KIAA1217: variants seen among roughly 807,000 people sequenced by gnomAD.
KIAA1217 encodes the protein KIAA1217, also known as sickle tail protein homolog.
Under a neutral mutation model 163.9 loss-of-function variants are expected in KIAA1217, and 88 were observed. The ratio of observed to expected loss-of-function variants is 0.54; its 90% CI spans 0.45 to 0.64. The LOEUF (loss-of-function observed/expected upper bound fraction) is 0.64, where lower values mean the gene tolerates loss of function less well. Among genes scored for constraint, KIAA1217 ranks in the 30% least tolerant of loss-of-function variants. KIAA1217 has a pLI of 0.00. For missense variants in KIAA1217, 2,372 were observed against 2,475.0 expected (o/e 0.96, Z 0.88); for synonymous variants, 903 against 923.1 (o/e 0.98, Z 0.39).
chr10:24,381,312 A>G (rs2053266213), intron 3 of KIAA1217, among the ~76,000 whole-genome samples: 1 of 152,172 alleles, frequency 6.6e-6, no homozygotes, highest in Non-Finnish European at 1.5e-5. Context: ...AATTCAAGCC[A>G]AGAGGCTAGT....
At chr10:24,228,283 C>A (rs1038469581) in intron 2 of KIAA1217, among the ~76,000 whole-genome samples, 8 of 151,818 alleles carry the variant, frequency 5.3e-5, no homozygotes, top group African/African-American at 1.9e-4. Context: ...AACAAAAAAT[C>A]AAATATAGGT....
chr10:24,031,859 A>G (rs572445289), intron 2 of KIAA1217, among the ~76,000 whole-genome samples: 1 of 152,332 alleles, frequency 6.6e-6, no homozygotes, highest in African/African-American at 2.4e-5. Flanking sequence ...AAGCTCCATC[A>G]AAAGTTAATT....
At chr10:23,807,419 C>T (rs1005570506) in intron 1 of KIAA1217, among the ~76,000 whole-genome samples, 2 of 152,240 alleles carry the variant, frequency 1.3e-5, no homozygotes, top group African/African-American at 2.4e-5. Flanking sequence ...TGTGATGTTA[C>T]ACAGAATGTT....
At chr10:24,470,123 G>A (rs574226166) in intron 5 of KIAA1217, among the ~76,000 whole-genome samples, 27 of 152,212 alleles carry the variant, frequency 1.8e-4, no homozygotes, top group Non-Finnish European at 3.5e-4. Context: ...CCACATATCC[G>A]CTGCTCGCTG....
rs569875213 is a variant in KIAA1217, at chr10:24,075,139, C to A, written c.-171+67765C>A. ...CTAAATACACACACACACACACACACACACACACACACACACACACACACA... is the reference window on the plus strand; with the variant it reads ...CTAAATACACACACACACACACACAAACACACACACACACACACACACACA... On this transcript the variant is annotated intron_variant, in intron 2 of 18. Coordinates refer to the KIAA1217 transcript ENST00000376462. Among the ~76,000 whole-genome samples the A allele has an allele frequency of 1.1e-4, 16 of 141,964 alleles. No homozygotes were observed. In the East Asian group the frequency reaches 1.9e-3, roughly 17 times the overall value. The allele number at this position is 141,964 out of a possible 152,430, so 93.1% of individuals were successfully genotyped here. A position where few individuals can be genotyped will look rare whatever the true frequency, so the allele number is the denominator to read the frequency against.
At chr10:24,180,477 TG>T (rs1168517677) in intron 2 of KIAA1217, among the ~76,000 whole-genome samples, 1 of 151,844 alleles carries the variant, frequency 6.6e-6, no homozygotes, top group African/African-American at 2.4e-5. Context: ...AATAGAGATG[TG>T]GTTTCACCAT....
chr10:24,244,242 G>A (rs1399585271), intron 2 of KIAA1217, among the ~76,000 whole-genome samples: 2 of 152,136 alleles, frequency 1.3e-5, no homozygotes, highest in Non-Finnish European at 2.9e-5. Flanking sequence ...AATTTAACTG[G>A]AAGTTCCTCT....
At chr10:24,103,769 C>G (rs1589510183) in intron 2 of KIAA1217, among the ~76,000 whole-genome samples, 2 of 152,234 alleles carry the variant, frequency 1.3e-5, no homozygotes, top group African/African-American at 4.8e-5. Context: ...GAATAGCCAA[C>G]ACCATATTGA....
At position 24,282,065 on chromosome 10, in the gene KIAA1217, C is replaced by CA. The variant is rs1418554857; in HGVS notation, c.354+62163dup. Reference sequence around the variant, plus strand: ...GAGCGAGACTCCATCTCAACAACAACAAAAAAAGTACCAATAATCTGGCCA... The same window carrying CA: ...GAGCGAGACTCCATCTCAACAACAACAAAAAAAAGTACCAATAATCTGGCCA... On this transcript the variant is annotated intron_variant, in intron 2 of 20. Coordinates refer to ENST00000376454, the MANE Select transcript of KIAA1217 (RefSeq NM_019590.5). Among the ~76,000 whole-genome samples the CA allele has an allele frequency of 2.6e-5, 4 of 151,630 alleles. No individual in the cohort carries two copies. In the South Asian group the frequency reaches 8.3e-4, roughly 32 times the overall value.
intron 2 of KIAA1217, among the ~76,000 whole-genome samples, chr10:24,238,586 A>G (rs533041888): frequency 1.3e-5 from 2 of 152,304 alleles, no homozygotes; most frequent in South Asian, 4.1e-4. Flanking sequence ...CCACCTCTGC[A>G]GCCATAGAAG....
At chr10:24,119,156 C>T (rs1232700151) in intron 2 of KIAA1217, among the ~76,000 whole-genome samples, 1 of 152,122 alleles carries the variant, frequency 6.6e-6, no homozygotes, top group Non-Finnish European at 1.5e-5. Flanking sequence ...GTTTTTATGT[C>T]AAGACTCATT....
chr10:24,132,958 C>T (rs952077775), intron 2 of KIAA1217, among the ~76,000 whole-genome samples: 1 of 152,044 alleles, frequency 6.6e-6, no homozygotes, highest in Non-Finnish European at 1.5e-5. Flanking sequence ...TACACCCTAA[C>T]TGGCTAGTTA....
At chr10:23,812,689 C>T (rs1420044574) in intron 1 of KIAA1217, among the ~76,000 whole-genome samples, 1 of 152,112 alleles carries the variant, frequency 6.6e-6, no homozygotes, top group Non-Finnish European at 1.5e-5. Flanking sequence ...CCCAACACTG[C>T]CTCCCATCAA....
chr10:24,077,852 CTT>C (rs2061417461), intron 2 of KIAA1217, among the ~76,000 whole-genome samples: 1 of 152,158 alleles, frequency 6.6e-6, no homozygotes, highest in Admixed American at 6.6e-5. Flanking sequence ...GCCAGCATCT[CTT>C]GTTTTTTGAC....
At chr10:24,334,676 A>C (rs554629304) in intron 2 of KIAA1217, among the ~76,000 whole-genome samples, 7 of 152,282 alleles carry the variant, frequency 4.6e-5, no homozygotes, top group African/African-American at 1.2e-4. Flanking sequence ...CTGTGAATGA[A>C]CCATGTCTAC....
At chr10:24,313,725 G>C (rs1422435962) in intron 2 of KIAA1217, among the ~76,000 whole-genome samples, 2 of 151,924 alleles carry the variant, frequency 1.3e-5, no homozygotes, top group African/African-American at 4.8e-5. Flanking sequence ...TGAGAGAGGT[G>C]ATCCTTTGAT....
chr10:24,016,221 T>C (rs2131501881), intron 2 of KIAA1217, among the ~76,000 whole-genome samples: 1 of 152,280 alleles, frequency 6.6e-6, no homozygotes, highest in East Asian at 1.9e-4. Flanking sequence ...TCTTTCTTTC[T>C]GTGTATTATG....
At chr10:23,861,418 C>T (rs58411902) in intron 1 of KIAA1217, among the ~76,000 whole-genome samples, 512 of 152,224 alleles carry the variant, frequency 3.4e-3, no homozygotes, top group African/African-American at 0.012. Flanking sequence ...GATGTCCATG[C>T]CCTGATTCCT....
chr10:24,086,065 CCT>C (rs1426705094), intron 2 of KIAA1217, among the ~76,000 whole-genome samples: 1 of 152,086 alleles, frequency 6.6e-6, no homozygotes, highest in Non-Finnish European at 1.5e-5. Flanking sequence ...CAGAAACACC[CCT>C]GATTGATGCC....
Sources: allele counts gnomAD v4.1 joint callset (sites outside exome capture counted in the v4.1 genomes callset), GRCh38; gene constraint gnomAD v4.1.1; transcripts MANE v1.5; gene names NCBI Gene and HGNC (gene_info 2026-07-23, HGNC 2026-07-21).